Variants in SYNJ1 observed in about 807,000 individuals in gnomAD.
The protein encoded by SYNJ1 is synaptojanin 1.
A neutral mutation model predicts 168.2 loss-of-function variants in SYNJ1; 78 were observed. That is an observed-to-expected ratio of 0.46 (90% CI 0.39 to 0.56). The LOEUF is 0.56. Among genes scored for constraint, SYNJ1 ranks in the 20% least tolerant of loss-of-function variants. The probability of loss-of-function intolerance (pLI) is 0.00; values close to 1 mark genes in which losing one functional copy is unlikely to be tolerated. For missense variants in SYNJ1, 1,303 were observed against 1,597.6 expected, an observed-to-expected ratio of 0.82 and a Z score of 3.14; for synonymous variants, 539 against 548.6, an observed-to-expected ratio of 0.98 and a Z score of 0.24.
chr21:32,668,562 T>C (rs555223221), intron 15 of SYNJ1, among the ~76,000 whole-genome samples: 51 of 152,310 alleles, frequency 3.3e-4, no homozygotes, highest in African/African-American at 9.6e-4. Context: ...CTGATGTGAA[T>C]TGTTTTTCAT....
chr21:32,697,279 T>C (rs2042244567), intron 4 of SYNJ1, among the ~76,000 whole-genome samples: 1 of 152,126 alleles, frequency 6.6e-6, no homozygotes, highest in Non-Finnish European at 1.5e-5. Flanking sequence ...TCCTGGAAAA[T>C]ATTGCTACTA....
chr21:32,645,848 A>T, intron 24 of SYNJ1, 59 bp from the exon 25 acceptor site: 1 of 1,523,996 alleles, frequency 6.6e-7, no homozygotes, highest in Non-Finnish European at 8.8e-7. Context: ...ACAGAAGGGA[A>T]CAGTCCTTCA....
At chr21:32,721,883 T>C (rs921690164) in intron 2 of SYNJ1, among the ~76,000 whole-genome samples, 5 of 152,052 alleles carry the variant, frequency 3.3e-5, no homozygotes, top group Admixed American at 2.6e-4. Flanking sequence ...CAGATAACAA[T>C]TCTCAAAAAC....
At chr21:32,722,226 AT>A (rs2043269323) in intron 2 of SYNJ1, among the ~76,000 whole-genome samples, 1 of 143,952 alleles carries the variant, frequency 6.9e-6, no homozygotes, top group Non-Finnish European at 1.5e-5. Context: ...ATATATATAT[AT>A]ATATAATGTA....
intron 2 of SYNJ1, among the ~76,000 whole-genome samples, chr21:32,720,990 T>A (rs1296826127): frequency 2.0e-5 from 3 of 152,234 alleles, no homozygotes; most frequent in Non-Finnish European, 4.4e-5. Flanking sequence ...ACAGTCTTTG[T>A]GTATGTGTGT....
intron 21 of SYNJ1, among the ~76,000 whole-genome samples, chr21:32,656,269 A>AAAAAC (rs916645799): frequency 6.3e-4 from 96 of 152,240 alleles, no homozygotes; most frequent in Non-Finnish European, 1.0e-3. Flanking sequence ...CTGCCTCTAC[A>AAAAAC]AAAACAAAAC....
At chr21:32,656,217 A>G (rs2040451513) in intron 21 of SYNJ1, among the ~76,000 whole-genome samples, 1 of 152,192 alleles carries the variant, frequency 6.6e-6, no homozygotes, top group South Asian at 2.1e-4. Flanking sequence ...AGATCGCTTA[A>G]GGCCAGGGGT....
At chr21:32,636,868 C>T (rs2039590542) in intron 31 of SYNJ1, among the ~76,000 whole-genome samples, 1 of 152,012 alleles carries the variant, frequency 6.6e-6, no homozygotes, top group African/African-American at 2.4e-5. Context: ...CAAAAAGATA[C>T]TTCAGGATTT....
At position 32,654,833 on chromosome 21, in the gene SYNJ1, CTTAT is replaced by C. The variant is rs375942623; in HGVS notation, c.2796-1471_2796-1468del. On this transcript the variant is annotated intron_variant, in intron 21 of 32. Coordinates refer to ENST00000674351, the MANE Select transcript of SYNJ1 (RefSeq NM_203446.3). Reference sequence around the variant, plus strand: ...TCCCATACACATTTCCAGGGAACCTCTTATTTAAAAATAAAGGGGTTCACAGGGT... The same window carrying C: ...TCCCATACACATTTCCAGGGAACCTCTTAAAAATAAAGGGGTTCACAGGGT... 5.8e-3 allele frequency among the ~76,000 whole-genome samples: 878 copies of C among 152,308 alleles called. 8 individuals are homozygous for C. The highest frequency in any genetic ancestry group is 0.02 in the African/African-American group (836 of 41,566).
At chr21:32,663,244 T>G (rs1244787722) in intron 18 of SYNJ1, among the ~76,000 whole-genome samples, 1 of 152,112 alleles carries the variant, frequency 6.6e-6, no homozygotes, top group East Asian at 1.9e-4. Flanking sequence ...CCTAAAAACC[T>G]CAATTATTGG....
At chr21:32,666,629 T>G in intron 15 of SYNJ1, 56 bp from the exon 16 acceptor site, 1 of 1,534,648 alleles carries the variant, frequency 6.5e-7, no homozygotes, top group Non-Finnish European at 8.8e-7. Context: ...AATAGCCTAT[T>G]TTATGACAAT....
intron 2 of SYNJ1, among the ~76,000 whole-genome samples, chr21:32,724,232 A>T (rs2043360232): frequency 6.6e-6 from 1 of 152,228 alleles, no homozygotes; most frequent in South Asian, 2.1e-4. Flanking sequence ...TCACGCCTGT[A>T]ATCCCAGCAC....
chr21:32,684,271 GA>G, intron 9 of SYNJ1, 152 bp from the exon 10 acceptor site: 1 of 665,456 alleles, frequency 1.5e-6, no homozygotes. Context: ...ATTATACTGT[GA>G]ACATCCATAT....
chr21:32,727,322 T>G (rs679317), intron 1 of SYNJ1, among the ~76,000 whole-genome samples: 151,760 of 152,308 alleles, frequency 1, 75,606 homozygotes, highest in East Asian at 1. Context: ...TCCTTCGAGG[T>G]GAAAGGAGCG....
chr21:32,680,783 T>C (rs2041592625), intron 11 of SYNJ1, among the ~76,000 whole-genome samples: 1 of 152,044 alleles, frequency 6.6e-6, no homozygotes, highest in East Asian at 1.9e-4. Context: ...GCCCAGCTAG[T>C]ATTTTCTATT....
chr21:32,710,145 A>T (rs572256069), intron 2 of SYNJ1, among the ~76,000 whole-genome samples: 27 of 152,258 alleles, frequency 1.8e-4, no homozygotes, highest in Non-Finnish European at 4.0e-4. Context: ...GGTTGCAGTG[A>T]GCCGAGATTA....
At chr21:32,694,539 AAAAT>A (rs2042136454) in intron 5 of SYNJ1, among the ~76,000 whole-genome samples, 1 of 152,222 alleles carries the variant, frequency 6.6e-6, no homozygotes. Flanking sequence ...ACAACTTTAA[AAAAT>A]AAATTCCTTT....
In SYNJ1 at chr21:32,695,066, T is replaced by C. The variant is rs1235849020; in HGVS notation, c.696A>G (p.Glu232=). The change falls in exon 5 of 33, where the codon GAA becomes GAG. Residue 232 remains glutamate, a synonymous_variant. Transcript: ENST00000674351. The stretch of plus-strand genomic sequence containing the variant: ...AAAACACTATATATACCTGTTCTGT[T>C]TCTACAAAATTGGCAACATGACCAT... The part of the protein sequence containing the change: ...NDDGHVANFV[E]TEQVVYLDDS... 2 of 1,614,138 alleles carry C rather than the reference T, an allele frequency of 1.2e-6. No individual in the cohort carries two copies. Among genetic ancestry groups the C allele is most frequent in the Non-Finnish European group, 1.7e-6 (2 of 1,179,994 alleles).
chr21:32,676,383 G>A, intron 12 of SYNJ1, 28 bp from the exon 13 acceptor site: 1 of 1,602,714 alleles, frequency 6.2e-7, no homozygotes, highest in Non-Finnish European at 8.5e-7. Context: ...AGAAAACAAA[G>A]AATCATTAGT....
Sources: gnomAD v4.1 joint callset for allele counts (sites outside exome capture counted in the v4.1 genomes callset) on GRCh38, gnomAD v4.1.1 for gene constraint, MANE v1.5 for transcripts, NCBI Gene and HGNC (gene_info 2026-07-23, HGNC 2026-07-21) for gene names.